Variants in ERC1 observed in about 807,000 individuals in gnomAD.
ERC1 encodes ELKS/RAB6-interacting/CAST family member 1.
Under a neutral mutation model 132.0 loss-of-function variants are expected in ERC1, and 56 were observed. The observed-to-expected ratio is 0.42, with a 90% CI of 0.34 to 0.53. The LOEUF (loss-of-function observed/expected upper bound fraction) is 0.53. Among genes scored for constraint, ERC1 ranks in the 20% least tolerant of loss-of-function variants. The pLI is 0.03. For missense variants in ERC1, 1,202 were observed against 1,349.9 expected (o/e 0.89, Z 1.72); for synonymous variants, 478 against 476.1 (o/e 1.00, Z -0.05).
In ERC1 at chr12:1,027,945, C is replaced by G. The variant is rs1273385985; in HGVS notation, c.42C>G (p.Ser14Arg). Residue 14 changes from serine (S) to arginine (R), a missense_variant, in exon 2 of 19, where the codon AGC becomes AGG. Transcript: ENST00000360905. ...GCTCTGTTGGGAAGGTGGAGCCGAG[C>G]AGCCAGAGCCCTGGGCGTTCACCCA... ...SARSVGKVEP[S>R]SQSPGRSPRL... 1.2e-6 allele frequency: 2 copies of G among 1,612,392 alleles called. No homozygotes were observed. Among genetic ancestry groups the G allele is most frequent in the East Asian group, 2.2e-5 (1 of 44,838 alleles).
chr12:1,273,681 A>G (rs2078039266), intron 14 of ERC1, among the ~76,000 whole-genome samples: 1 of 152,174 alleles, frequency 6.6e-6, no homozygotes, highest in African/African-American at 2.4e-5. Flanking sequence ...ATATCTGCCT[A>G]GTGGCTACTA....
At chr12:1,120,227 C>A (rs769342326) in intron 7 of ERC1, among the ~76,000 whole-genome samples, 4 of 152,118 alleles carry the variant, frequency 2.6e-5, no homozygotes, top group South Asian at 2.1e-4. Flanking sequence ...CTCCTGGCTT[C>A]AAGCAGTCCT....
chr12:1,336,144 T>A (rs893973407), intron 15 of ERC1, among the ~76,000 whole-genome samples: 1 of 152,156 alleles, frequency 6.6e-6, no homozygotes, highest in African/African-American at 2.4e-5. Context: ...TTGTTTGGAT[T>A]TTCTCTCTTA....
intron 3 of ERC1, among the ~76,000 whole-genome samples, chr12:1,097,443 A>G (rs1256517129): frequency 6.6e-6 from 1 of 152,110 alleles, no homozygotes; most frequent in African/African-American, 2.4e-5. Flanking sequence ...CCTAAGCTTG[A>G]CCTTTTAGTG....
chr12:1,402,614 A>AACACACACACACACACACACACCACACAC (rs1555393204), intron 16 of ERC1, among the ~76,000 whole-genome samples: 4 of 144,992 alleles, frequency 2.8e-5, no homozygotes, highest in African/African-American at 7.7e-5. Flanking sequence ...TGTAACCCCC[A>AACACACACACACACACACACACCACACAC]ACACACACAC....
At chr12:1,093,441 C>A (rs1414328109) in intron 3 of ERC1, among the ~76,000 whole-genome samples, 2 of 152,116 alleles carry the variant, frequency 1.3e-5, no homozygotes, top group Non-Finnish European at 2.9e-5. Context: ...ACATTTGAGG[C>A]CCCAACTTTG....
chr12:1,480,164 A>G (rs991013852), intron 18 of ERC1, among the ~76,000 whole-genome samples: 2 of 151,394 alleles, frequency 1.3e-5, no homozygotes, highest in South Asian at 2.1e-4. Flanking sequence ...TAGAAATACT[A>G]TATATGGAGG....
At chr12:1,055,071 C>CA (rs562425796) in intron 2 of ERC1, among the ~76,000 whole-genome samples, 1 of 151,972 alleles carries the variant, frequency 6.6e-6, no homozygotes, top group African/African-American at 2.4e-5. Flanking sequence ...CAAAACAAAA[C>CA]AAAAAAAGAA....
chr12:1,493,548 A>ATTATAT lies in ERC1; in HGVS notation c.*3318_*3319insTTATAT, dbSNP rs1555139791. 1.5e-4 allele frequency: 2 copies of ATTATAT among 13,618 alleles called. No individual in the cohort carries two copies. Among genetic ancestry groups the ATTATAT allele is most frequent in the Admixed American group, 1.0e-3 (1 of 976 alleles). The allele number at this position is 13,618 out of a possible 1,614,324, so 0.8% of individuals were successfully genotyped here. On this transcript the variant is annotated 3_prime_UTR_variant, in exon 19 of 19. Coordinates refer to ENST00000360905, the MANE Select transcript of ERC1 (RefSeq NM_178040.4). ...ACTCCATTTAAAAAAAAAAAAAAAA[A>ATTATAT]ATATATATATATATATATATATATA...
At chr12:1,344,075 T>A (rs1257612310) in intron 15 of ERC1, among the ~76,000 whole-genome samples, 2 of 152,176 alleles carry the variant, frequency 1.3e-5, no homozygotes, top group Non-Finnish European at 2.9e-5. Flanking sequence ...TCTCCTGACC[T>A]CGTGATCCCC....
chr12:990,409 G>C (rs1489384748), upstream of ERC1: 1 of 151,938 alleles, frequency 6.6e-6, no homozygotes, highest in Non-Finnish European at 1.5e-5. Flanking sequence ...GAGTCTGCAC[G>C]AGAAAATCGG....
chr12:1,139,287 C>G (rs566678482), intron 7 of ERC1, among the ~76,000 whole-genome samples: 4 of 152,264 alleles, frequency 2.6e-5, no homozygotes, highest in African/African-American at 9.6e-5. Context: ...CCCACACTAC[C>G]TGCCCCTTAG....
At chr12:1,050,253 G>C (rs1418265858) in intron 2 of ERC1, among the ~76,000 whole-genome samples, 1 of 152,204 alleles carries the variant, frequency 6.6e-6, no homozygotes, top group East Asian at 1.9e-4. Context: ...GTCAGGATAA[G>C]ATCTAAGACT....
At chr12:1,116,189 C>A in intron 7 of ERC1, 156 bp downstream of exon 7, 1 of 586,314 alleles carries the variant, frequency 1.7e-6, no homozygotes, top group Non-Finnish European at 2.9e-6. Flanking sequence ...TAAAATGTAA[C>A]CATCTTATTT....
At chr12:1,103,461 CTG>C (rs1247799170) in intron 3 of ERC1, among the ~76,000 whole-genome samples, 1 of 152,146 alleles carries the variant, frequency 6.6e-6, no homozygotes, top group African/African-American at 2.4e-5. Context: ...TAAGAAAACA[CTG>C]TAGTGGAGCA....
chr12:1,392,939 A>T (rs1026587331), intron 16 of ERC1, among the ~76,000 whole-genome samples: 1 of 152,246 alleles, frequency 6.6e-6, no homozygotes, highest in Non-Finnish European at 1.5e-5. Context: ...GTAACCACGT[A>T]TGTTTGTACA....
rs549883267 is a variant in ERC1 at position 1,107,114 on chromosome 12, T to C, written c.1161+2290T>C. The stretch of plus-strand genomic sequence containing the variant: ...CGCCTCTTCTTCCTCTCTTTCCTCT[T>C]CTTATCCCTTCTCCCACCATTTTCC... On this transcript the variant is annotated intron_variant, in intron 4 of 18. Transcript: ENST00000360905. Among the ~76,000 whole-genome samples the C allele has an allele frequency of 1.1e-4, 16 of 152,348 alleles. No individual in the cohort carries two copies. The South Asian group carries it at 3.3e-3, about 32-fold the overall frequency.
intron 3 of ERC1, among the ~76,000 whole-genome samples, chr12:1,099,812 G>C (rs564424927): frequency 6.8e-6 from 1 of 146,216 alleles, no homozygotes. Context: ...GGGGTAATAA[G>C]GATGAGCCTG....
chr12:1,077,768 T>G (rs1308103454), intron 2 of ERC1, among the ~76,000 whole-genome samples: 2 of 152,196 alleles, frequency 1.3e-5, no homozygotes, highest in Non-Finnish European at 2.9e-5. Flanking sequence ...GTCTGTGATG[T>G]GTGAATATGC....
Sources: allele counts gnomAD v4.1 joint callset (sites outside exome capture counted in the v4.1 genomes callset), GRCh38; gene constraint gnomAD v4.1.1; transcripts MANE v1.5; gene names NCBI Gene and HGNC (gene_info 2026-07-23, HGNC 2026-07-21).